GNG3: variants seen among roughly 807,000 people sequenced by gnomAD.
The protein encoded by GNG3 is guanine nucleotide-binding protein G(I)/G(S)/G(O) subunit gamma-3.
A neutral mutation model predicts 5.6 loss-of-function variants in GNG3; 4 were observed. That is an observed-to-expected ratio of 0.71 (90% CI 0.35 to 1.63). The LOEUF (loss-of-function observed/expected upper bound fraction) is 1.63. Ranked by LOEUF, GNG3 falls within the 40% of genes most tolerant of loss-of-function variation. GNG3 has a pLI of 0.05. For synonymous variants in GNG3, 30 were observed against 33.5 expected, an observed-to-expected ratio of 0.89 and a Z score of 0.36; for missense variants, 62 against 96.6, an observed-to-expected ratio of 0.64 and a Z score of 1.50.
chr11:62,708,189 C>A, intron 1 of GNG3, 106 bp from the exon 2 acceptor site: 1 of 789,844 alleles, frequency 1.3e-6, no homozygotes, highest in Non-Finnish European at 2.3e-6. Context: ...AGGAGGGGAA[C>A]AAAATATTGG....
At chr11:62,707,267 C>A (rs1413307514), upstream of GNG3, 1 of 1,298,082 alleles carries the variant, frequency 7.7e-7, no homozygotes. Context: ...AAGTGGCGAT[C>A]CAGACGCTGA....
Position 62,708,761 on chromosome 11 carries a change from G to A in GNG3, c.183G>A (p.Ser61=), listed in dbSNP as rs781236127. The A allele has an allele frequency of 6.2e-7, 1 of 1,614,092 alleles. No homozygotes were observed. The highest frequency in any genetic ancestry group is 2.2e-5 in the East Asian group (1 of 44,882). ...CCCTCATCACCCCTGTGCCCACTTCGGAGAACCCCTTCCGGGAGAAGAAGT... is the reference window on the plus strand; with the variant it reads ...CCCTCATCACCCCTGTGCCCACTTCAGAGAACCCCTTCCGGGAGAAGAAGT... ...EDPLITPVPT[S]ENPFREKKFF... is the part of the protein sequence containing the mutation. The change falls in exon 3 of 3, where the codon TCG becomes TCA. Residue 61 remains serine, a synonymous_variant. Coordinates refer to ENST00000294117, the MANE Select transcript of GNG3 (RefSeq NM_012202.5).
upstream of GNG3, chr11:62,707,050 C>T: frequency 6.9e-7 from 1 of 1,448,726 alleles, no homozygotes; most frequent in South Asian, 1.2e-5. Flanking sequence ...CCGCCCCCTT[C>T]ACGCCAGCCC....
At chr11:62,707,303 G>T, upstream of GNG3, 1 of 999,022 alleles carries the variant, frequency 1.0e-6, no homozygotes, top group Non-Finnish European at 1.5e-6. Context: ...ACATTTTCCT[G>T]GATATGGAAA....
upstream of GNG3, chr11:62,707,477 C>T (rs946116769): frequency 1.1e-5 from 7 of 665,050 alleles, no homozygotes; most frequent in African/African-American, 1.2e-4. Flanking sequence ...CCGTCATAGG[C>T]CCAGACCACG....
rs2083574330 is a variant in GNG3 at position 62,708,164 on chromosome 11, G to A, written c.-1-131G>A. ...ACAGGGATGAGACAGTCCACTGGAGGAGGAGGAGGAGGATAGGAGGGGAAC... is the reference window on the plus strand; with the variant it reads ...ACAGGGATGAGACAGTCCACTGGAGAAGGAGGAGGAGGATAGGAGGGGAAC... On this transcript the variant is annotated intron_variant, in intron 1 of 2. Transcript: ENST00000294117. The A allele has an allele frequency of 1.3e-5, 9 of 705,978 alleles. No individual in the cohort carries two copies. In the South Asian group the frequency reaches 1.4e-4, roughly 11 times the overall value. The allele number at this position is 705,978 out of a possible 1,614,324, so 43.7% of individuals were successfully genotyped here.
chr11:62,708,373 A>T lies in GNG3; in HGVS notation c.78A>T (p.Glu26Asp), dbSNP rs1367013150. Residue 26 changes from glutamate to aspartate, a missense_variant, in exon 2 of 3, where the codon GAA (glutamate) becomes GAT (aspartate). Around this residue, in one of 2 missense-constraint regions of GNG3, gnomAD observed 58 missense variants for 75.4 expected, o/e 0.77. Transcript: ENST00000294117. ...AGATGGTGGAACAGCTTAAGATTGA[A>T]GCCAGCTTGTGTCGGATAAAGGTAG... ...ARKMVEQLKIEASLCRIKVSK... is the reference protein window; with the variant it reads ...ARKMVEQLKIDASLCRIKVSK... 1 of 1,613,018 alleles carries T rather than the reference A, an allele frequency of 6.2e-7. No individual in the cohort carries two copies. Among genetic ancestry groups the T allele is most frequent in the Non-Finnish European group, 8.5e-7 (1 of 1,178,980 alleles).
At chr11:62,707,254 G>GC, upstream of GNG3, 1 of 1,429,020 alleles carries the variant, frequency 7.0e-7, no homozygotes, top group Non-Finnish European at 9.7e-7. Flanking sequence ...TGGCTAAAAC[G>GC]TGAAGTGGCG....
intron 1 of GNG3, 132 bp from the exon 2 acceptor site, chr11:62,708,163 G>A: frequency 4.3e-6 from 3 of 703,940 alleles, no homozygotes; most frequent in East Asian, 2.6e-5. Flanking sequence ...GTCCACTGGA[G>A]GAGGAGGAGG....
rs959818669 is a variant in GNG3, at chr11:62,708,860, T to C, written c.*54T>C. 1.5e-5 allele frequency: 21 copies of C among 1,376,096 alleles called. No homozygotes were observed. The highest frequency in any genetic ancestry group is 5.2e-5 in the Admixed American group (3 of 57,904). The allele number at this position is 1,376,096 out of a possible 1,614,324, so 85.2% of individuals were successfully genotyped here. On this transcript the variant is annotated 3_prime_UTR_variant, in exon 3 of 3. Transcript: ENST00000294117. ...CCTTTTCCCTCTCCTGGGCCCTTCC[T>C]TAGGTCAGTAATTGTTGTGAGCCCC... is the stretch of plus-strand genomic sequence containing the variant.
At position 62,708,410 on chromosome 11, in the gene GNG3, G is replaced by C; in HGVS notation, c.99+16G>C. ...TCGGATAAAGGTAGGTGGGACCCTG[G>C]CTGGCTCCCATTAGTTGGCCAGGCT... On this transcript the variant is annotated intron_variant, in intron 2 of 2. Transcript: ENST00000294117. 6.4e-7 allele frequency: 1 copy of C among 1,566,430 alleles called. No homozygotes were observed. The highest frequency in any genetic ancestry group is 8.8e-7 in the Non-Finnish European group (1 of 1,136,646).
At chr11:62,708,461 T>C (rs149237275) in intron 2 of GNG3, 67 bp downstream of exon 2, 1 of 1,316,820 alleles carries the variant, frequency 7.6e-7, no homozygotes, top group African/African-American at 1.4e-5. Flanking sequence ...TTCCCAAAGC[T>C]CAAGATAAGA....
upstream of GNG3, chr11:62,707,634 C>G (rs560416030): frequency 4.1e-6 from 2 of 484,124 alleles, no homozygotes; most frequent in African/African-American, 3.9e-5. Context: ...TAGGCTCCCC[C>G]ACTGGCCAGG....
intron 1 of GNG3, 73 bp from the exon 2 acceptor site, chr11:62,708,222 G>A: frequency 1.1e-6 from 1 of 940,472 alleles, no homozygotes; most frequent in South Asian, 1.3e-5. Context: ...GCCTTGTAAA[G>A]GTTGGTGTGG....
At position 62,709,098 on chromosome 11, in the gene GNG3, T is replaced by A. The variant is rs2083590205; in HGVS notation, c.*292T>A. 1 of 479,204 alleles carries A rather than the reference T, an allele frequency of 2.1e-6. No individual in the cohort carries two copies. The highest frequency in any genetic ancestry group is 4.0e-6 in the Non-Finnish European group (1 of 248,636). 29.7% of individuals were successfully genotyped at this position (479,204 alleles called of 1,614,324 possible). ...GTCCTGCCCGCTTCCCTCGGTGACCTGCTCAGACAATGGAGAGGGATGGGC... is the reference window on the plus strand; with the variant it reads ...GTCCTGCCCGCTTCCCTCGGTGACCAGCTCAGACAATGGAGAGGGATGGGC... On this transcript the variant is annotated 3_prime_UTR_variant, in exon 3 of 3. Transcript: ENST00000294117.
At chr11:62,708,572 G>A (rs2083582274) in intron 2 of GNG3, 106 bp from the exon 3 acceptor site, 2 of 1,499,626 alleles carry the variant, frequency 1.3e-6, no homozygotes, top group Non-Finnish European at 1.8e-6. Flanking sequence ...GAGAAGACAA[G>A]TCGTAAGGAG....
At position 62,709,113 on chromosome 11, in the gene GNG3, G is replaced by A; in HGVS notation, c.*307G>A. 2 of 479,784 alleles carry A rather than the reference G, an allele frequency of 4.2e-6. No homozygotes were observed. The highest frequency in any genetic ancestry group is 4.1e-6 in the Non-Finnish European group (1 of 246,356). The allele number at this position is 479,784 out of a possible 1,614,324, so 29.7% of individuals were successfully genotyped here. ...CTCGGTGACCTGCTCAGACAATGGA[G>A]AGGGATGGGCCAGGTTCTTGCTCTC... On this transcript the variant is annotated 3_prime_UTR_variant, in exon 3 of 3. Transcript: ENST00000294117.
chr11:62,708,103 G>A lies in GNG3; in HGVS notation c.-2+188G>A. The A allele has an allele frequency of 4.9e-6, 3 of 606,234 alleles. No individual in the cohort carries two copies. The South Asian group carries it at 5.7e-5, about 12-fold the overall frequency. 37.6% of individuals were successfully genotyped at this position (606,234 alleles called of 1,614,324 possible). A position where few individuals can be genotyped will look rare whatever the true frequency, so the allele number is the denominator to read the frequency against. On this transcript the variant is annotated intron_variant, in intron 1 of 2. Transcript: ENST00000294117. ...CCCAGGCCATGAGGGAGTTTGGGGA[G>A]CACCTCATCCCACCCTATTTTTTTC... is the stretch of plus-strand genomic sequence containing the variant.
upstream of GNG3, chr11:62,707,187 T>G: frequency 6.4e-7 from 1 of 1,553,096 alleles, no homozygotes; most frequent in Non-Finnish European, 8.7e-7. Flanking sequence ...CTACCTTTTC[T>G]GTAGACATCT....
Sources: gnomAD v4.1 joint callset for allele counts on GRCh38, gnomAD v4.1.1 for gene constraint, gnomAD v4.1.1 regional missense constraint, MANE v1.5 for transcripts, NCBI Gene and HGNC (gene_info 2026-07-23, HGNC 2026-07-21) for gene names.